The following DNAH14 variants were observed in gnomAD, a reference collection of about 807,000 sequenced individuals.
DNAH14 encodes the protein axonemal beta dynein heavy chain 14.
In DNAH14, 478 loss-of-function variants were observed where a neutral mutation model predicts 520.9. The ratio of observed to expected loss-of-function variants is 0.92; its 90% CI spans 0.85 to 0.99. DNAH14 has a LOEUF of 0.99. Among genes scored for constraint, DNAH14 ranks in the 50% least tolerant of loss-of-function variants. DNAH14 has a pLI of 0.00. For missense variants in DNAH14, 4,831 were observed against 5,234.5 expected (o/e 0.92, Z 2.38); for synonymous variants, 1,581 against 1,757.2 (o/e 0.90, Z 2.51).
chr1:225,089,982 T>C (rs1256403795), intron 21 of DNAH14, among the ~76,000 whole-genome samples: 2 of 152,002 alleles, frequency 1.3e-5, no homozygotes, highest in Non-Finnish European at 2.9e-5. Context: ...GAAAGAGAAA[T>C]AAAAAATGTC....
intron 65 of DNAH14, 147 bp downstream of exon 65, chr1:225,331,724 A>G (rs1434129746): frequency 1.8e-6 from 2 of 1,112,054 alleles, no homozygotes; most frequent in African/African-American, 1.6e-5. Context: ...TAGACATCCT[A>G]TTCACATAAA....
At chr1:225,250,531 T>C in intron 43 of DNAH14, 1 of 423,486 alleles carries the variant, frequency 2.4e-6, no homozygotes, top group Non-Finnish European at 4.4e-6. Context: ...TTTAACCATA[T>C]TCCCTTGGGT....
At chr1:225,276,325 A>C (rs2093468239) in intron 53 of DNAH14, among the ~76,000 whole-genome samples, 1 of 152,108 alleles carries the variant, frequency 6.6e-6, no homozygotes, top group Admixed American at 6.6e-5. Flanking sequence ...TATTTGTCTC[A>C]TTTGATAGGG....
intron 25 of DNAH14, 179 bp downstream of exon 25, chr1:225,118,178 T>G: frequency 3.1e-6 from 2 of 637,772 alleles, no homozygotes; most frequent in Non-Finnish European, 5.6e-6. Context: ...ATCTCACCTT[T>G]GCTCTAATTA....
At chr1:224,965,612 C>T (rs2061117615) in intron 5 of DNAH14, among the ~76,000 whole-genome samples, 1 of 152,156 alleles carries the variant, frequency 6.6e-6, no homozygotes, top group Admixed American at 6.6e-5. Context: ...GAAGATAAAT[C>T]ATCTTTTAAT....
chr1:225,186,216 T>C (rs1319594753), intron 37 of DNAH14, among the ~76,000 whole-genome samples: 2 of 151,844 alleles, frequency 1.3e-5, no homozygotes. Flanking sequence ...TTCTTGGTTA[T>C]GTGGATTTTT....
At chr1:225,144,931 GAA>G (rs2079793344) in intron 29 of DNAH14, among the ~76,000 whole-genome samples, 1 of 151,890 alleles carries the variant, frequency 6.6e-6, no homozygotes, top group African/African-American at 2.4e-5. Context: ...ATGTGTGTGT[GAA>G]AGAGAGAGAG....
intron 1 of DNAH14, among the ~76,000 whole-genome samples, chr1:224,938,345 T>C (rs976329758): frequency 1.3e-5 from 2 of 150,994 alleles, no homozygotes; most frequent in Non-Finnish European, 2.9e-5. Context: ...AATAACTCAA[T>C]AGCGAAAAAA....
chr1:224,931,196 A>G (rs1336269907), intron 1 of DNAH14, among the ~76,000 whole-genome samples: 2 of 152,226 alleles, frequency 1.3e-5, no homozygotes, highest in Non-Finnish European at 2.9e-5. Flanking sequence ...AAATAGAAAA[A>G]TGCCTATATT....
intron 81 of DNAH14, among the ~76,000 whole-genome samples, chr1:225,383,330 G>A (rs1322237800): frequency 6.6e-6 from 1 of 152,138 alleles, no homozygotes; most frequent in Non-Finnish European, 1.5e-5. Context: ...AGACACATCC[G>A]AATCACAGGA....
intron 17 of DNAH14, among the ~76,000 whole-genome samples, chr1:225,056,851 A>T (rs1572746064): frequency 6.6e-6 from 1 of 151,968 alleles, no homozygotes; most frequent in Non-Finnish European, 1.5e-5. Flanking sequence ...AGATATGTGG[A>T]ATTATTTCTG....
chr1:225,170,453 G>T (rs1362957923), intron 36 of DNAH14, among the ~76,000 whole-genome samples: 1 of 151,992 alleles, frequency 6.6e-6, no homozygotes, highest in Non-Finnish European at 1.5e-5. Context: ...AAACAAAAAA[G>T]GCAGGGGTTG....
At chr1:225,197,283 T>C (rs2086268112) in intron 38 of DNAH14, among the ~76,000 whole-genome samples, 1 of 152,210 alleles carries the variant, frequency 6.6e-6, no homozygotes, top group Non-Finnish European at 1.5e-5. Flanking sequence ...CCCAGCACCA[T>C]TTGTTGAGTA....
intron 81 of DNAH14, among the ~76,000 whole-genome samples, chr1:225,382,225 A>G: frequency 6.6e-6 from 1 of 152,230 alleles, no homozygotes; most frequent in East Asian, 1.9e-4. Flanking sequence ...CACACCTACT[A>G]AGATGGAAAG....
chr1:225,280,087 GA>G (rs1429832546), intron 54 of DNAH14, among the ~76,000 whole-genome samples: 1 of 151,304 alleles, frequency 6.6e-6, no homozygotes, highest in African/African-American at 2.4e-5. Flanking sequence ...TAACATGGCA[GA>G]AAAGAGAATC....
intron 27 of DNAH14, among the ~76,000 whole-genome samples, chr1:225,133,818 T>C (rs2148974587): frequency 6.6e-6 from 1 of 152,306 alleles, no homozygotes; most frequent in Non-Finnish European, 1.5e-5. Flanking sequence ...CTTTGGGCAG[T>C]ATGGCCGTTT....
At chr1:225,365,650 G>C (rs1184767302) in intron 76 of DNAH14, among the ~76,000 whole-genome samples, 1 of 152,150 alleles carries the variant, frequency 6.6e-6, no homozygotes, top group Non-Finnish European at 1.5e-5. Flanking sequence ...TCCTGGGGCA[G>C]ACAGAACAGG....
At chr1:225,348,620 T>C (rs1372141938) in intron 71 of DNAH14, among the ~76,000 whole-genome samples, 2 of 152,190 alleles carry the variant, frequency 1.3e-5, no homozygotes, top group Non-Finnish European at 1.5e-5. Context: ...ACTGTATGTG[T>C]CAAAACTGCC....
chr1:225,368,059 A>G (rs148161891), intron 77 of DNAH14, 27 bp downstream of exon 77: 4 of 1,495,798 alleles, frequency 2.7e-6, no homozygotes, highest in African/African-American at 1.4e-5. Context: ...CAAACAAACA[A>G]CAAATAAGTA....
Sources: allele counts gnomAD v4.1 joint callset (sites outside exome capture counted in the v4.1 genomes callset), GRCh38; gene constraint gnomAD v4.1.1; transcripts MANE v1.5; gene names NCBI Gene and HGNC (gene_info 2026-07-23, HGNC 2026-07-21).